CNTNAP2: variants seen among roughly 807,000 people sequenced by gnomAD.
The protein encoded by CNTNAP2 is contactin associated protein 2.
In CNTNAP2, 98 loss-of-function variants were observed where a neutral mutation model predicts 155.2. That is an observed-to-expected ratio of 0.63 (90% CI 0.54 to 0.75). The LOEUF is 0.75. CNTNAP2 is among the 30% of genes least tolerant of loss of function. The probability of loss-of-function intolerance (pLI) is 0.00; values close to 1 mark genes in which losing one functional copy is unlikely to be tolerated. For missense variants in CNTNAP2, 1,727 were observed against 1,688.1 expected (o/e 1.02, Z -0.40); for synonymous variants, 651 against 631.2 (o/e 1.03, Z -0.47).
chr7:148,229,605 T>C (rs1247442701), intron 19 of CNTNAP2, 41 bp from the exon 20 acceptor site: 6 of 1,612,682 alleles, frequency 3.7e-6, no homozygotes, highest in Non-Finnish European at 4.2e-6. Context: ...AAATGAAATT[T>C]AGGGCAAACA....
At chr7:148,105,779 G>T (rs1804201419) in intron 15 of CNTNAP2, among the ~76,000 whole-genome samples, 1 of 151,974 alleles carries the variant, frequency 6.6e-6, no homozygotes, top group Non-Finnish European at 1.5e-5. Context: ...TAGAGACAGG[G>T]TTTCACCATG....
chr7:147,245,394 T>TG (rs1804034847), intron 8 of CNTNAP2, among the ~76,000 whole-genome samples: 1 of 152,136 alleles, frequency 6.6e-6, no homozygotes, highest in African/African-American at 2.4e-5. Flanking sequence ...AAATAAGCCC[T>TG]GTGGCCCCCT....
rs571778412 is a variant in CNTNAP2, at chr7:147,321,067, T to C, written c.1498+20777T>C. Among the ~76,000 whole-genome samples the C allele has an allele frequency of 3.3e-5, 5 of 152,356 alleles. No homozygotes were observed. In the South Asian group the frequency reaches 1.0e-3, roughly 32 times the overall value. ...CACACCTAAACATCTGTTCTTGACA[T>C]AGTTTAAAACCTGTTGACTATTCTT... On this transcript the variant is annotated intron_variant, in intron 9 of 23. Transcript: ENST00000361727.
chr7:147,460,071 C>A (rs1797993993), intron 10 of CNTNAP2, among the ~76,000 whole-genome samples: 5 of 151,862 alleles, frequency 3.3e-5, no homozygotes, highest in African/African-American at 9.7e-5. Flanking sequence ...TAGCAAACCA[C>A]CATGGCATGT....
chr7:146,911,629 G>C (rs1796281081), intron 3 of CNTNAP2, among the ~76,000 whole-genome samples: 1 of 140,870 alleles, frequency 7.1e-6, no homozygotes, highest in Admixed American at 7.4e-5. Context: ...ACACATGAAG[G>C]GGAGTACCAC....
intron 10 of CNTNAP2, among the ~76,000 whole-genome samples, chr7:147,460,088 C>G (rs2116585484): frequency 6.6e-6 from 1 of 151,810 alleles, no homozygotes; most frequent in South Asian, 2.1e-4. Context: ...ATGTGTATAC[C>G]TATGTAACAA....
intron 1 of CNTNAP2, among the ~76,000 whole-genome samples, chr7:146,558,113 T>C (rs912817654): frequency 3.9e-5 from 6 of 152,184 alleles, no homozygotes; most frequent in Non-Finnish European, 7.3e-5. Context: ...GGTTACCTTG[T>C]AGCTGGAATC....
At chr7:146,576,992 A>G (rs1014527715) in intron 1 of CNTNAP2, among the ~76,000 whole-genome samples, 5 of 152,226 alleles carry the variant, frequency 3.3e-5, no homozygotes, top group Non-Finnish European at 5.9e-5. Context: ...TCTAAATTTA[A>G]GAAATATTAC....
At chr7:147,746,745 A>G (rs73472887) in intron 13 of CNTNAP2, among the ~76,000 whole-genome samples, 39,398 of 151,950 alleles carry the variant, frequency 0.26, 5,446 homozygotes, top group Middle Eastern at 0.45. Context: ...AAATACACGC[A>G]TTTTGGTAAG....
At chr7:147,675,098 A>C (rs1795847692) in intron 13 of CNTNAP2, among the ~76,000 whole-genome samples, 1 of 152,088 alleles carries the variant, frequency 6.6e-6, no homozygotes, top group Non-Finnish European at 1.5e-5. Context: ...AACCTCCTTC[A>C]AAGGCTCCAG....
intron 11 of CNTNAP2, among the ~76,000 whole-genome samples, chr7:147,546,891 C>T (rs1038882943): frequency 1.3e-5 from 2 of 152,166 alleles, no homozygotes; most frequent in African/African-American, 4.8e-5. Flanking sequence ...CATATGCATG[C>T]ATGAGGCCAC....
chr7:146,970,289 G>T (rs1466482946), intron 3 of CNTNAP2, among the ~76,000 whole-genome samples: 1 of 151,790 alleles, frequency 6.6e-6, no homozygotes, highest in Non-Finnish European at 1.5e-5. Context: ...CAAAATCGGA[G>T]AAAATTTTCA....
intron 1 of CNTNAP2, among the ~76,000 whole-genome samples, chr7:146,534,660 A>G (rs1797820002): frequency 6.6e-6 from 1 of 152,060 alleles, no homozygotes. Context: ...AAATGCAGTT[A>G]CATGCTATCT....
At chr7:147,694,975 G>A (rs1796141266) in intron 13 of CNTNAP2, among the ~76,000 whole-genome samples, 1 of 152,040 alleles carries the variant, frequency 6.6e-6, no homozygotes, top group East Asian at 1.9e-4. Flanking sequence ...TGCATTTAGT[G>A]TTACAATTTC....
chr7:147,805,399 AT>A (rs2116598209), intron 13 of CNTNAP2, among the ~76,000 whole-genome samples: 1 of 152,284 alleles, frequency 6.6e-6, no homozygotes, highest in South Asian at 2.1e-4. Flanking sequence ...TCCCCTTCCA[AT>A]TTGGATGAGC....
intron 13 of CNTNAP2, among the ~76,000 whole-genome samples, chr7:147,650,822 T>C (rs1297596237): frequency 6.6e-6 from 1 of 151,376 alleles, no homozygotes; most frequent in African/African-American, 2.5e-5. Context: ...CCTTAAAATA[T>C]AGAGTGAAAT....
chr7:147,486,246 G>C (rs1386711434), intron 11 of CNTNAP2, among the ~76,000 whole-genome samples: 3 of 151,980 alleles, frequency 2.0e-5, no homozygotes, highest in Non-Finnish European at 2.9e-5. Context: ...TGGTGGCAAA[G>C]GACTCAAAAA....
chr7:146,654,421 T>C (rs1799962906), intron 1 of CNTNAP2, among the ~76,000 whole-genome samples: 1 of 152,138 alleles, frequency 6.6e-6, no homozygotes, highest in African/African-American at 2.4e-5. Context: ...CCCTAGAATG[T>C]GCCTTTCTAT....
chr7:147,112,866 A>G (rs1800909837), intron 5 of CNTNAP2, among the ~76,000 whole-genome samples: 1 of 151,748 alleles, frequency 6.6e-6, no homozygotes, highest in African/African-American at 2.4e-5. Context: ...TTGTATATCC[A>G]CCAGGTTTTG....
Sources: allele counts gnomAD v4.1 joint callset (sites outside exome capture counted in the v4.1 genomes callset), GRCh38; gene constraint gnomAD v4.1.1; transcripts MANE v1.5; gene names NCBI Gene and HGNC (gene_info 2026-07-23, HGNC 2026-07-21).